The following CEP128 variants were observed in gnomAD, a reference collection of about 807,000 sequenced individuals.
CEP128 encodes centrosomal protein 128, also known as centrosomal protein 128kDa.
In CEP128, 132 loss-of-function variants were observed where a neutral mutation model predicts 156.7. The observed-to-expected ratio is 0.84, with a 90% CI of 0.73 to 0.97. CEP128 has a LOEUF of 0.97. Ranked by LOEUF, CEP128 falls within the 50% of genes least tolerant of loss-of-function variation. The pLI is 0.00. For missense variants in CEP128, 1,252 were observed against 1,281.9 expected (o/e 0.98, Z 0.36); for synonymous variants, 469 against 448.9 (o/e 1.04, Z -0.57).
chr14:80,913,357 T>C (rs1015008073), intron 4 of CEP128, among the ~76,000 whole-genome samples: 1 of 152,226 alleles, frequency 6.6e-6, no homozygotes, highest in Non-Finnish European at 1.5e-5. Flanking sequence ...TACACAAAGT[T>C]ATATGGAAAG....
intron 19 of CEP128, among the ~76,000 whole-genome samples, chr14:80,615,151 A>C (rs762195364): frequency 1.4e-4 from 22 of 152,234 alleles, no homozygotes; most frequent in Non-Finnish European, 3.1e-4. Flanking sequence ...GATTTTAGAC[A>C]CCAAGATCAA....
At chr14:80,786,721 T>C (rs1266068877) in intron 14 of CEP128, among the ~76,000 whole-genome samples, 1 of 152,090 alleles carries the variant, frequency 6.6e-6, no homozygotes, top group African/African-American at 2.4e-5. Context: ...GTGATGAAGA[T>C]TAGTGAGAAA....
chr14:80,489,893 A>G (rs1258816851), downstream of CEP128, among the ~76,000 whole-genome samples: 1 of 133,780 alleles, frequency 7.5e-6, no homozygotes, highest in Admixed American at 8.8e-5. Flanking sequence ...ATTTGACATA[A>G]AAGGTTTTAT....
intron 17 of CEP128, among the ~76,000 whole-genome samples, chr14:80,759,441 C>A (rs1899842173): frequency 6.6e-6 from 1 of 152,154 alleles, no homozygotes; most frequent in South Asian, 2.1e-4. Flanking sequence ...TCTCTCAGAA[C>A]TATAAACTAC....
intron 19 of CEP128, among the ~76,000 whole-genome samples, chr14:80,670,601 G>A (rs1327183581): frequency 1.3e-5 from 2 of 152,164 alleles, no homozygotes; most frequent in East Asian, 3.9e-4. Context: ...GACATAGAGT[G>A]TGGAATAATA....
chr14:80,708,197 T>G (rs1428092957), intron 19 of CEP128, among the ~76,000 whole-genome samples: 1 of 152,190 alleles, frequency 6.6e-6, no homozygotes, highest in East Asian at 1.9e-4. Flanking sequence ...TACTGGAATT[T>G]TGTATTGTTT....
chr14:80,563,524 C>CT (rs540593415), intron 20 of CEP128, among the ~76,000 whole-genome samples: 3,407 of 78,786 alleles, frequency 0.043, 807 homozygotes, highest in African/African-American at 0.17. Flanking sequence ...GCCTCCAAAT[C>CT]TTTTTTTTTT....
chr14:80,689,712 A>C (rs773508568), intron 19 of CEP128, among the ~76,000 whole-genome samples: 1 of 152,226 alleles, frequency 6.6e-6, no homozygotes. Flanking sequence ...ATAGACGCAC[A>C]TGTATATTTA....
intron 19 of CEP128, among the ~76,000 whole-genome samples, chr14:80,717,197 G>A (rs1187867998): frequency 2.6e-5 from 4 of 152,162 alleles, no homozygotes. Flanking sequence ...AGCTCTTAAA[G>A]GCAGAGACTC....
chr14:80,518,498 T>C (rs1888596066), intron 23 of CEP128, among the ~76,000 whole-genome samples: 1 of 152,200 alleles, frequency 6.6e-6, no homozygotes, highest in Non-Finnish European at 1.5e-5. Context: ...GTTAATAGTA[T>C]TGTTCAAGTC....
intron 19 of CEP128, among the ~76,000 whole-genome samples, chr14:80,741,647 CT>C (rs1006767290): frequency 2.0e-5 from 3 of 152,092 alleles, no homozygotes; most frequent in African/African-American, 7.2e-5. Context: ...AATATTAACT[CT>C]GAGATGGCAT....
chr14:80,596,277 A>T (rs1017664054), intron 19 of CEP128, among the ~76,000 whole-genome samples: 3 of 152,188 alleles, frequency 2.0e-5, no homozygotes, highest in Non-Finnish European at 4.4e-5. Context: ...TAGGTATTAT[A>T]TCGTGAAAGT....
chr14:80,540,430 T>A (rs1445678265), intron 21 of CEP128, among the ~76,000 whole-genome samples: 1 of 152,142 alleles, frequency 6.6e-6, no homozygotes, highest in East Asian at 1.9e-4. Flanking sequence ...GCCAAGGCCC[T>A]AAGGAGGGCA....
chr14:80,814,272 A>C lies in CEP128; in HGVS notation c.1209+16871T>G, dbSNP rs561376338. On this transcript the variant is annotated intron_variant, in intron 13 of 24. Transcript: ENST00000555265. Reference sequence around the variant, plus strand: ...TCTCTCTGTCTTTAGGACTCCAATTATCTATATCTATATTAGAATTTCAGA... The same window carrying C: ...TCTCTCTGTCTTTAGGACTCCAATTCTCTATATCTATATTAGAATTTCAGA... Among the ~76,000 whole-genome samples, 3 of 152,172 alleles carry C rather than the reference A, an allele frequency of 2.0e-5. No homozygotes were observed. In the East Asian group the frequency reaches 5.8e-4, roughly 29 times the overall value.
Position 80,743,133 on chromosome 14 carries a change from G to A in CEP128, c.2748C>T (p.Leu916=), listed in dbSNP as rs201355718. 2 of 1,613,808 alleles carry A rather than the reference G, an allele frequency of 1.2e-6. No individual in the cohort carries two copies. Among genetic ancestry groups the A allele is most frequent in the Non-Finnish European group, 1.7e-6 (2 of 1,179,838 alleles). ...TENKESELQC[L]FQQIERQEQL... The stretch of plus-strand genomic sequence containing the variant: ...GCTCCTGCCTTTCTATCTGTTGAAA[G>A]AGACACTGCAACTCAGATTCCTTGT... Residue 916 remains leucine, a synonymous_variant, in exon 19 of 25, where the codon CTC becomes CTT. Coordinates refer to ENST00000555265, the MANE Select transcript of CEP128 (RefSeq NM_152446.5).
chr14:80,693,372 G>A (rs920337833), intron 19 of CEP128, among the ~76,000 whole-genome samples: 2 of 152,142 alleles, frequency 1.3e-5, no homozygotes, highest in African/African-American at 2.4e-5. Flanking sequence ...GAGAACAAAG[G>A]TTGTAAACAG....
chr14:80,683,478 T>C (rs1298324173), intron 19 of CEP128, among the ~76,000 whole-genome samples: 5 of 152,044 alleles, frequency 3.3e-5, no homozygotes, highest in East Asian at 3.9e-4. Flanking sequence ...ATAAAACAAA[T>C]ATTTCTAGAC....
At chr14:80,597,651 A>G (rs1459338851) in intron 19 of CEP128, among the ~76,000 whole-genome samples, 2 of 151,834 alleles carry the variant, frequency 1.3e-5, no homozygotes, top group African/African-American at 2.4e-5. Flanking sequence ...GAAAAGAAAA[A>G]AAAAAACCGC....
chr14:80,933,229 A>G (rs942968874), intron 2 of CEP128, among the ~76,000 whole-genome samples: 1 of 152,140 alleles, frequency 6.6e-6, no homozygotes, highest in African/African-American at 2.4e-5. Context: ...GCCTTTAATT[A>G]GGAACAGTGT....
Sources: gnomAD v4.1 joint callset for allele counts (sites outside exome capture counted in the v4.1 genomes callset) on GRCh38, gnomAD v4.1.1 for gene constraint, MANE v1.5 for transcripts, NCBI Gene and HGNC (gene_info 2026-07-23, HGNC 2026-07-21) for gene names.